RAB22A: variants seen among roughly 807,000 people sequenced by gnomAD.
RAB22A encodes RAB22A, member RAS oncogene family.
In RAB22A, 13 loss-of-function variants were observed where a neutral mutation model predicts 30.2. The observed-to-expected ratio is 0.43, with a 90% confidence interval of 0.28 to 0.68. The LOEUF (loss-of-function observed/expected upper bound fraction) is 0.68, where lower values mean the gene tolerates loss of function less well. RAB22A is among the 30% of genes least tolerant of loss of function. The probability of loss-of-function intolerance (pLI) is 0.18; values close to 1 mark genes in which losing one functional copy is unlikely to be tolerated. For missense variants in RAB22A, 177 were observed against 246.8 expected (o/e 0.72, Z 1.89); for synonymous variants, 89 against 87.2 (o/e 1.02, Z -0.11).
At chr20:58,326,603 A>G (rs1986574235) in intron 2 of RAB22A, among the ~76,000 whole-genome samples, 1 of 152,168 alleles carries the variant, frequency 6.6e-6, no homozygotes, top group Admixed American at 6.6e-5. Context: ...GTTTTTGACT[A>G]TTATGAATAT....
intron 2 of RAB22A, among the ~76,000 whole-genome samples, chr20:58,312,984 G>T (rs1875327697): frequency 1.3e-5 from 2 of 152,170 alleles, no homozygotes; most frequent in South Asian, 4.1e-4. Context: ...GTGAAGTGTT[G>T]GGAAGTGACA....
intron 2 of RAB22A, among the ~76,000 whole-genome samples, chr20:58,330,906 G>A (rs554550141): frequency 1.5e-4 from 23 of 152,230 alleles, no homozygotes; most frequent in African/African-American, 5.5e-4. Context: ...GCAATTATAG[G>A]AATCAGCTGT....
At position 58,361,494 on chromosome 20, in the gene RAB22A, C is replaced by T. The variant is rs1173343897; in HGVS notation, c.*1791C>T. 6 of 152,130 alleles carry T rather than the reference C, an allele frequency of 3.9e-5. No homozygotes were observed. The highest frequency in any genetic ancestry group is 1.4e-4 in the African/African-American group (6 of 41,424). 9.4% of individuals were successfully genotyped at this position (152,130 alleles called of 1,614,324 possible). Reference sequence around the variant, plus strand: ...GTTTTGTTTAAAAGACATGTGGATGCTCCATGCCCCTAGGATTTTGCTTCC... The same window carrying T: ...GTTTTGTTTAAAAGACATGTGGATGTTCCATGCCCCTAGGATTTTGCTTCC... On this transcript the variant is annotated 3_prime_UTR_variant, in exon 7 of 7. Transcript: ENST00000244040.
chr20:58,359,701 T>C lies in RAB22A; in HGVS notation c.583T>C (p.Ter195ArgextTer12), dbSNP rs759759542. Residue 195 changes from the stop codon to arginine, a stop_lost, in exon 7 of 7, where the codon TGA becomes CGA. Coordinates refer to ENST00000244040, the MANE Select transcript of RAB22A (RefSeq NM_020673.3). The stretch of plus-strand genomic sequence containing the variant: ...TTCAGAGCCAAAGCGGAGCTGCTGC[T>C]GACCGAACCTCAGCCTCTCAGACTT... ...QPSEPKRSCC[*>R] 3.1e-6 allele frequency: 5 copies of C among 1,605,494 alleles called. No homozygotes were observed. The highest frequency in any genetic ancestry group is 4.3e-6 in the Non-Finnish European group (5 of 1,172,422).
chr20:58,323,321 A>G (rs1479630510), intron 2 of RAB22A, among the ~76,000 whole-genome samples: 1 of 152,166 alleles, frequency 6.6e-6, no homozygotes, highest in African/African-American at 2.4e-5. Context: ...TTGAAGTTAT[A>G]TCCAGTAACC....
chr20:58,317,996 C>A (rs905157281), intron 2 of RAB22A, among the ~76,000 whole-genome samples: 4 of 152,146 alleles, frequency 2.6e-5, no homozygotes, highest in Non-Finnish European at 5.9e-5. Context: ...GCTAGGACAA[C>A]AATAGCACGA....
At chr20:58,310,907 T>C in intron 1 of RAB22A, 136 bp from the exon 2 acceptor site, 1 of 714,884 alleles carries the variant, frequency 1.4e-6, no homozygotes, top group South Asian at 1.7e-5. Flanking sequence ...TGACAACCGC[T>C]TTTGTGTTCC....
intron 2 of RAB22A, among the ~76,000 whole-genome samples, chr20:58,338,987 A>G (rs929393397): frequency 6.6e-6 from 1 of 152,230 alleles, no homozygotes; most frequent in Non-Finnish European, 1.5e-5. Context: ...ATGCCATGCA[A>G]AGAACAGGGT....
At chr20:58,334,335 CAA>C (rs11477658) in intron 2 of RAB22A, among the ~76,000 whole-genome samples, 7 of 133,116 alleles carry the variant, frequency 5.3e-5, no homozygotes, top group African/African-American at 8.1e-5. Flanking sequence ...AAGTCCATCT[CAA>C]AAAAAAAAAA....
rs943443010 is a variant in RAB22A, at chr20:58,361,318, C to T, written c.*1615C>T. On this transcript the variant is annotated 3_prime_UTR_variant, in exon 7 of 7. Transcript: ENST00000244040. ...AATTGGTATTATTTTGTGCCCCCCA[C>T]TTAATATGGATAGATTTTAATGGGA... The T allele has an allele frequency of 2.0e-5, 3 of 152,548 alleles. No individual in the cohort carries two copies. The highest frequency in any genetic ancestry group is 6.5e-5 in the Admixed American group (1 of 15,278). 9.4% of individuals were successfully genotyped at this position (152,548 alleles called of 1,614,324 possible).
chr20:58,329,948 G>A (rs1025144440), intron 2 of RAB22A, among the ~76,000 whole-genome samples: 2 of 152,174 alleles, frequency 1.3e-5, no homozygotes, highest in Admixed American at 6.5e-5. Context: ...AAGTATCTGG[G>A]GGGGAAGAGT....
chr20:58,346,392 C>G (rs1986947283), intron 3 of RAB22A, among the ~76,000 whole-genome samples: 1 of 152,210 alleles, frequency 6.6e-6, no homozygotes, highest in Non-Finnish European at 1.5e-5. Flanking sequence ...CCAGGCCTCC[C>G]CCGGGGCTCC....
intron 6 of RAB22A, among the ~76,000 whole-genome samples, chr20:58,359,037 G>T (rs1451144028): frequency 6.6e-6 from 1 of 152,320 alleles, no homozygotes; most frequent in South Asian, 2.1e-4. Flanking sequence ...CCTTGGAAAG[G>T]GGAGATGGGT....
intron 2 of RAB22A, among the ~76,000 whole-genome samples, chr20:58,328,235 G>A (rs557911856): frequency 7.2e-5 from 11 of 152,162 alleles, no homozygotes; most frequent in Admixed American, 2.0e-4. Context: ...AGGCTGGAGT[G>A]CAGTGGTGTG....
At chr20:58,351,694 T>C (rs764030941) in intron 3 of RAB22A, among the ~76,000 whole-genome samples, 25 of 152,238 alleles carry the variant, frequency 1.6e-4, no homozygotes, top group Non-Finnish European at 2.2e-4. Flanking sequence ...ATGCCTGTAA[T>C]CCCAACTGCT....
At chr20:58,339,309 G>C (rs920434960) in intron 2 of RAB22A, among the ~76,000 whole-genome samples, 3 of 152,238 alleles carry the variant, frequency 2.0e-5, no homozygotes, top group African/African-American at 7.2e-5. Context: ...AGATGGTTTA[G>C]TAGTGAAAAA....
At chr20:58,355,857 C>T (rs1987121380) in intron 6 of RAB22A, among the ~76,000 whole-genome samples, 1 of 152,060 alleles carries the variant, frequency 6.6e-6, no homozygotes. Context: ...TATTGTTGTC[C>T]TGGATGTAAA....
At chr20:58,346,318 C>A (rs138809045) in intron 3 of RAB22A, among the ~76,000 whole-genome samples, 4 of 152,322 alleles carry the variant, frequency 2.6e-5, no homozygotes, top group South Asian at 2.1e-4. Context: ...TCAGTGACTT[C>A]CCACTGCACC....
intron 2 of RAB22A, among the ~76,000 whole-genome samples, chr20:58,336,650 C>T (rs1600732834): frequency 6.6e-6 from 1 of 152,110 alleles, no homozygotes; most frequent in South Asian, 2.1e-4. Flanking sequence ...GTAATTCAAA[C>T]GAAGCAACAT....
Sources: gnomAD v4.1 joint callset for allele counts (sites outside exome capture counted in the v4.1 genomes callset) on GRCh38, gnomAD v4.1.1 for gene constraint, MANE v1.5 for transcripts, NCBI Gene and HGNC (gene_info 2026-07-23, HGNC 2026-07-21) for gene names.